The following FTO variants were observed in gnomAD, a reference collection of about 807,000 sequenced individuals.
FTO encodes FTO alpha-ketoglutarate dependent dioxygenase, also known as alpha-ketoglutarate-dependent dioxygenase FTO.
A neutral mutation model predicts 63.9 loss-of-function variants in FTO; 47 were observed. The ratio of observed to expected loss-of-function variants is 0.74; its 90% CI spans 0.58 to 0.94. FTO has a LOEUF of 0.94. Ranked by LOEUF, FTO falls within the 40% of genes least tolerant of loss-of-function variation. The pLI is 0.00. For missense variants in FTO, 562 were observed against 618.1 expected, an observed-to-expected ratio of 0.91 and a Z score of 0.96; for synonymous variants, 207 against 224.4, an observed-to-expected ratio of 0.92 and a Z score of 0.69.
At chr16:54,018,244 T>C (rs2084497790) in intron 8 of FTO, among the ~76,000 whole-genome samples, 1 of 152,194 alleles carries the variant, frequency 6.6e-6, no homozygotes. Flanking sequence ...TTCATAGCTC[T>C]TGGTACATAC....
chr16:54,009,623 G>A (rs1452982992), intron 8 of FTO, among the ~76,000 whole-genome samples: 2 of 152,142 alleles, frequency 1.3e-5, no homozygotes, highest in African/African-American at 2.4e-5. Context: ...CCAAGAGCCC[G>A]GTTCCCAGGG....
intron 8 of FTO, among the ~76,000 whole-genome samples, chr16:54,042,098 G>C (rs2085090825): frequency 6.6e-6 from 1 of 152,170 alleles, no homozygotes; most frequent in Admixed American, 6.5e-5. Context: ...CTAAGATTTG[G>C]AGGAGCCAAG....
At chr16:53,950,179 A>C (rs376951410) in intron 8 of FTO, among the ~76,000 whole-genome samples, 9 of 145,880 alleles carry the variant, frequency 6.2e-5, no homozygotes, top group African/African-American at 5.0e-5. Flanking sequence ...AAAAAAAAAA[A>C]CTTAATCCAT....
intron 8 of FTO, among the ~76,000 whole-genome samples, chr16:53,951,607 GGAGA>G (rs2082802761): frequency 6.6e-6 from 1 of 152,068 alleles, no homozygotes; most frequent in African/African-American, 2.4e-5. Flanking sequence ...GTGTATATAG[GGAGA>G]CATTTGAAAT....
intron 1 of FTO, among the ~76,000 whole-genome samples, chr16:53,737,092 C>A (rs747884456): frequency 1.3e-5 from 2 of 152,128 alleles, no homozygotes; most frequent in Non-Finnish European, 2.9e-5. Context: ...ACCCTGTGTG[C>A]GCCTGTTTCT....
chr16:54,107,248 A>T (rs1285165418), intron 8 of FTO, among the ~76,000 whole-genome samples: 1 of 152,096 alleles, frequency 6.6e-6, no homozygotes, highest in Non-Finnish European at 1.5e-5. Context: ...GAAACATTTT[A>T]AAAAATGGGA....
intron 1 of FTO, among the ~76,000 whole-genome samples, chr16:53,761,629 C>T (rs966351149): frequency 2.0e-5 from 3 of 152,140 alleles, no homozygotes; most frequent in Admixed American, 6.5e-5. Flanking sequence ...ACTATCCTCA[C>T]GGAAATTGGT....
chr16:53,872,524 G>T (rs2080530082), intron 4 of FTO, among the ~76,000 whole-genome samples: 1 of 152,190 alleles, frequency 6.6e-6, no homozygotes, highest in Non-Finnish European at 1.5e-5. Context: ...TAGGGCAATT[G>T]TAGGCATCTC....
At chr16:53,731,698 G>C (rs2076272994) in intron 1 of FTO, among the ~76,000 whole-genome samples, 1 of 151,868 alleles carries the variant, frequency 6.6e-6, no homozygotes, top group Non-Finnish European at 1.5e-5. Flanking sequence ...CCGAGTAGCT[G>C]GGACTACAGG....
chr16:53,841,616 A>G (rs1412109665), intron 3 of FTO, among the ~76,000 whole-genome samples: 1 of 152,246 alleles, frequency 6.6e-6, no homozygotes, highest in Non-Finnish European at 1.5e-5. Flanking sequence ...GTGAATGAAT[A>G]GTTACAAAGG....
intron 8 of FTO, among the ~76,000 whole-genome samples, chr16:53,978,706 A>G (rs1162726514): frequency 2.0e-5 from 3 of 152,176 alleles, no homozygotes; most frequent in Admixed American, 2.0e-4. Flanking sequence ...AATAAAAATT[A>G]CCCATAATCA....
At chr16:54,028,967 AACATTGT>A (rs1351446427) in intron 8 of FTO, among the ~76,000 whole-genome samples, 1 of 152,202 alleles carries the variant, frequency 6.6e-6, no homozygotes. Flanking sequence ...GATCAATATT[AACATTGT>A]ATCATCCTAT....
At chr16:54,032,783 T>A (rs561988931) in intron 8 of FTO, among the ~76,000 whole-genome samples, 3 of 152,248 alleles carry the variant, frequency 2.0e-5, no homozygotes, top group African/African-American at 7.2e-5. Context: ...AGGTAGGGTT[T>A]GGTGGGAGGT....
At chr16:53,981,020 A>T (rs2083530279) in intron 8 of FTO, among the ~76,000 whole-genome samples, 1 of 152,220 alleles carries the variant, frequency 6.6e-6, no homozygotes, top group Non-Finnish European at 1.5e-5. Context: ...ACAAGCCATT[A>T]TTAAATTTGG....
intron 8 of FTO, chr16:54,039,652 C>T (rs1357261989): frequency 6.6e-6 from 1 of 152,226 alleles, no homozygotes; most frequent in Non-Finnish European, 1.5e-5. Context: ...CTATTCTCCA[C>T]ACTTGTTCTA....
In FTO at chr16:54,117,159, AC is replaced by A; in HGVS notation, c.*5246del. 1 of 152,272 alleles carries A rather than the reference AC, an allele frequency of 6.6e-6. No individual in the cohort carries two copies. Among genetic ancestry groups the A allele is most frequent in the East Asian group, 1.9e-4 (1 of 5,178 alleles). 9.4% of individuals were successfully genotyped at this position (152,272 alleles called of 1,614,324 possible). On this transcript the variant is annotated 3_prime_UTR_variant, in exon 9 of 9. Coordinates refer to ENST00000471389, the MANE Select transcript of FTO (RefSeq NM_001080432.3). Reference sequence around the variant, plus strand: ...TTCTGTGTGTGATTCTCACTCTACCACCTCTTCAAACCTTTGTTGTCTTATC... The same window carrying A: ...TTCTGTGTGTGATTCTCACTCTACCACTCTTCAAACCTTTGTTGTCTTATC...
intron 8 of FTO, among the ~76,000 whole-genome samples, chr16:54,015,691 G>T (rs140261252): frequency 6.6e-6 from 1 of 152,292 alleles, no homozygotes; most frequent in African/African-American, 2.4e-5. Context: ...GCCAAATACC[G>T]TTGTACATTG....
At position 54,120,722 on chromosome 16, in the gene FTO, C is replaced by T. The variant is rs1567584091; in HGVS notation, c.*8807C>T. 1 of 152,070 alleles carries T rather than the reference C, an allele frequency of 6.6e-6. No homozygotes were observed. Among genetic ancestry groups the T allele is most frequent in the Non-Finnish European group, 1.5e-5 (1 of 68,022 alleles). The allele number at this position is 152,070 out of a possible 1,614,324, so 9.4% of individuals were successfully genotyped here. On this transcript the variant is annotated 3_prime_UTR_variant, in exon 9 of 9. Transcript: ENST00000471389. ...CAAGTTCACCTTCAACATCCTAAAG[C>T]AGGTTGAAGAGGAAGATGGTTCCAG...
intron 8 of FTO, among the ~76,000 whole-genome samples, chr16:54,033,826 TA>T (rs1567529907): frequency 6.6e-6 from 1 of 152,094 alleles, no homozygotes; most frequent in Non-Finnish European, 1.5e-5. Flanking sequence ...TTAAAATAAA[TA>T]AATAAAGCTC....
Sources: gnomAD v4.1 joint callset for allele counts (sites outside exome capture counted in the v4.1 genomes callset) on GRCh38, gnomAD v4.1.1 for gene constraint, MANE v1.5 for transcripts, NCBI Gene and HGNC (gene_info 2026-07-23, HGNC 2026-07-21) for gene names.